The following ALG9 variants were observed in gnomAD, a reference collection of about 807,000 sequenced individuals.
The protein encoded by ALG9 is alpha-1,2-mannosyltransferase ALG9.
ALG9 carries 55 observed loss-of-function variants against 81.8 expected under a neutral mutation model. The ratio of observed to expected loss-of-function variants is 0.67; its 90% CI spans 0.54 to 0.84. The LOEUF (loss-of-function observed/expected upper bound fraction) is 0.84, where lower values mean the gene tolerates loss of function less well. Among genes scored for constraint, ALG9 ranks in the 40% least tolerant of loss-of-function variants. The probability of loss-of-function intolerance (pLI) is 0.00; values close to 1 mark genes in which losing one functional copy is unlikely to be tolerated. For missense variants in ALG9, 629 were observed against 745.0 expected (o/e 0.84, Z 1.81); for synonymous variants, 278 against 274.3 (o/e 1.01, Z -0.13).
chr11:111,864,146 A>T (rs1352767077), intron 4 of ALG9: 3 of 511,654 alleles, frequency 5.9e-6, no homozygotes, highest in African/African-American at 2.0e-5. Context: ...AATAAAAATT[A>T]AAAAAAGAAA....
downstream of ALG9, among the ~76,000 whole-genome samples, chr11:111,778,816 C>CTTTTCT (rs1482781503): frequency 7.2e-6 from 1 of 138,596 alleles, no homozygotes; most frequent in African/African-American, 2.6e-5. Flanking sequence ...CTTTTCTTTT[C>CTTTTCT]TTTTTTTTTT....
intron 13 of ALG9, among the ~76,000 whole-genome samples, chr11:111,820,918 GCGCACACACACACACA>G (rs1565847176): frequency 1.1e-5 from 1 of 93,304 alleles, no homozygotes; most frequent in East Asian, 3.8e-4. Context: ...CCAAACACGC[GCGCACACACACACACA>G]CACACACACA....
intron 4 of ALG9, among the ~76,000 whole-genome samples, chr11:111,864,678 A>G (rs955353341): frequency 1.3e-5 from 2 of 152,210 alleles, no homozygotes; most frequent in African/African-American, 4.8e-5. Context: ...GCAGCAGCAT[A>G]CAATAAAACT....
chr11:111,831,646 CCTTTTAT>C (rs1954396925), intron 13 of ALG9, among the ~76,000 whole-genome samples: 1 of 152,092 alleles, frequency 6.6e-6, no homozygotes, highest in Non-Finnish European at 1.5e-5. Context: ...TGAAACCAAG[CCTTTTAT>C]CCTAGGGCTA....
At chr11:111,828,824 C>T (rs1555111069) in intron 13 of ALG9, 3 of 152,178 alleles carry the variant, frequency 2.0e-5, no homozygotes, top group Non-Finnish European at 4.4e-5. Flanking sequence ...TTACAAAAAA[C>T]ATCTTACAAA....
At chr11:111,777,989 A>C (rs1392864655), downstream of ALG9, among the ~76,000 whole-genome samples, 1 of 152,258 alleles carries the variant, frequency 6.6e-6, no homozygotes, top group Non-Finnish European at 1.5e-5. Context: ...CTCTGCAAAG[A>C]CCAGAAGCAG....
chr11:111,796,890 G>C (rs1235457387), intron 14 of ALG9, among the ~76,000 whole-genome samples: 1 of 152,126 alleles, frequency 6.6e-6, no homozygotes, highest in Non-Finnish European at 1.5e-5. Flanking sequence ...CCAAAGGAGG[G>C]AAGCACCATC....
At chr11:111,838,126 G>C in intron 11 of ALG9, 123 bp downstream of exon 11, 5 of 1,114,352 alleles carry the variant, frequency 4.5e-6, no homozygotes, top group Non-Finnish European at 6.6e-6. Flanking sequence ...TAAGTCTACA[G>C]GTTCTCTTTT....
chr11:111,773,198 C>T, the ALG9 span, among the ~76,000 whole-genome samples: 1 of 152,120 alleles, frequency 6.6e-6, no homozygotes, highest in Non-Finnish European at 1.5e-5. Flanking sequence ...CCCCAGTTCT[C>T]TAAGAACAGC....
At chr11:111,809,865 C>T in intron 13 of ALG9, 92 bp from the exon 14 acceptor site, 1 of 1,435,706 alleles carries the variant, frequency 7.0e-7, no homozygotes, top group Non-Finnish European at 9.8e-7. Flanking sequence ...ATTTACAGAG[C>T]TTTGGAGGAA....
chr11:111,841,330 A>T (rs891164751), intron 9 of ALG9, among the ~76,000 whole-genome samples: 2 of 152,234 alleles, frequency 1.3e-5, no homozygotes, highest in Non-Finnish European at 2.9e-5. Flanking sequence ...GTTTTCATCA[A>T]GCCACAAATG....
chr11:111,850,181 C>G (rs965523908), intron 8 of ALG9, among the ~76,000 whole-genome samples: 1 of 152,034 alleles, frequency 6.6e-6, no homozygotes, highest in Admixed American at 6.6e-5. Flanking sequence ...TATTTGGTAT[C>G]ACGAAAATCT....
chr11:111,863,245 C>G (rs902302333), intron 4 of ALG9, among the ~76,000 whole-genome samples: 3 of 152,138 alleles, frequency 2.0e-5, no homozygotes, highest in Non-Finnish European at 4.4e-5. Flanking sequence ...GTAATCCCAG[C>G]TACTCAGGAG....
At chr11:111,769,141 T>TAA in the ALG9 span, 1,180 of 117,114 alleles carry the variant, frequency 0.01, 6 homozygotes, top group African/African-American at 0.015. Context: ...ACCCCATCTC[T>TAA]AAAAAAAAAA....
At chr11:111,776,127 G>A in the ALG9 span, among the ~76,000 whole-genome samples, 1 of 151,980 alleles carries the variant, frequency 6.6e-6, no homozygotes, top group Admixed American at 6.6e-5. Flanking sequence ...GAGCCTAGGT[G>A]GGAGGATCAC....
At chr11:111,787,093 T>G (rs2136191129) in intron 14 of ALG9, among the ~76,000 whole-genome samples, 1 of 152,324 alleles carries the variant, frequency 6.6e-6, no homozygotes, top group Middle Eastern at 3.4e-3. Context: ...AAAACCTAAA[T>G]TTCTCATGAA....
At chr11:111,826,806 C>T (rs1243644359) in intron 13 of ALG9, among the ~76,000 whole-genome samples, 1 of 152,168 alleles carries the variant, frequency 6.6e-6, no homozygotes, top group Non-Finnish European at 1.5e-5. Flanking sequence ...TCTCCTCCGT[C>T]TCATCTGTTT....
chr11:111,804,419 G>T (rs2136353080), intron 14 of ALG9, among the ~76,000 whole-genome samples: 1 of 152,194 alleles, frequency 6.6e-6, no homozygotes, highest in African/African-American at 2.4e-5. Flanking sequence ...AAAATATACA[G>T]GGAACTCTTA....
At chr11:111,853,601 T>G (rs1266114699) in intron 7 of ALG9, 48 bp downstream of exon 7, 27 of 1,592,536 alleles carry the variant, frequency 1.7e-5, no homozygotes, top group African/African-American at 2.7e-5. Flanking sequence ...ACATCAAAGT[T>G]GCTTTCATTA....
Sources: gnomAD v4.1 joint callset for allele counts (sites outside exome capture counted in the v4.1 genomes callset) on GRCh38, gnomAD v4.1.1 for gene constraint, MANE v1.5 for transcripts, NCBI Gene and HGNC (gene_info 2026-07-23, HGNC 2026-07-21) for gene names.